MMD2: variants seen among roughly 807,000 people sequenced by gnomAD.
MMD2 encodes monocyte to macrophage differentiation factor 2.
In MMD2, 30 loss-of-function variants were observed where a neutral mutation model predicts 33.5. That is an observed-to-expected ratio of 0.90 (90% CI 0.67 to 1.22). The LOEUF is 1.22. MMD2 is among the 50% of genes most tolerant of loss of function. The pLI, the probability that MMD2 is intolerant of heterozygous loss-of-function variation, is 0.00. For synonymous variants in MMD2, 129 were observed against 123.0 expected (o/e 1.05, Z -0.32); for missense variants, 364 against 325.4 (o/e 1.12, Z -0.91).
chr7:4,948,329 C>G (rs1163624822), intron 1 of MMD2, among the ~76,000 whole-genome samples: 1 of 152,086 alleles, frequency 6.6e-6, no homozygotes, highest in Non-Finnish European at 1.5e-5. Context: ...GAGTTAGAGA[C>G]CAGCCTTGGG....
chr7:4,937,488 A>G lies in MMD2; in HGVS notation c.48-11956T>C, dbSNP rs755700208. ...AAAGAAAGGGAAATTATTATAAATT[A>G]TAAATTATTTTTTGCTGTTTTGTTT... On this transcript the variant is annotated intron_variant, in intron 1 of 6. Transcript: ENST00000401401. Among the ~76,000 whole-genome samples, 8 of 152,104 alleles carry G rather than the reference A, an allele frequency of 5.3e-5. 1 individual carries two copies. The highest frequency in any genetic ancestry group is 1.2e-4 in the Non-Finnish European group (8 of 68,018).
At chr7:4,895,606 A>T in the MMD2 span, among the ~76,000 whole-genome samples, 1 of 151,542 alleles carries the variant, frequency 6.6e-6, no homozygotes, top group African/African-American at 2.4e-5. Flanking sequence ...GCGAGATTTC[A>T]GCTCACTGCA....
At chr7:4,901,365 C>T (rs558236956), downstream of MMD2, among the ~76,000 whole-genome samples, 50 of 152,190 alleles carry the variant, frequency 3.3e-4, 1 homozygote, top group South Asian at 9.3e-3. Context: ...CTCTTGAACC[C>T]GGGAGGCAGA....
Position 4,916,434 on chromosome 7 carries a change from G to A in MMD2, c.291-355C>T, listed in dbSNP as rs141314604. Among the ~76,000 whole-genome samples the A allele has an allele frequency of 8.7e-4, 122 of 139,774 alleles. 3 individuals are homozygous for A. The East Asian group carries it at 0.026, about 30-fold the overall frequency. 91.7% of individuals were successfully genotyped at this position (139,774 alleles called of 152,430 possible). A position where few individuals can be genotyped will look rare whatever the true frequency, so the allele number is the denominator to read the frequency against. ...GTCTTGCTCTGTCTCCCAGGCTGGAGTGCAGTGGCACGATCTCAGCTCACT... is the reference window on the plus strand; with the variant it reads ...GTCTTGCTCTGTCTCCCAGGCTGGAATGCAGTGGCACGATCTCAGCTCACT... On this transcript the variant is annotated intron_variant, in intron 3 of 6. Coordinates refer to ENST00000401401, the MANE Select transcript of MMD2 (RefSeq NM_198403.4).
In MMD2 at chr7:4,925,542, G is replaced by C; in HGVS notation, c.48-10C>G. The C allele has an allele frequency of 6.4e-7, 1 of 1,559,306 alleles. No individual in the cohort carries two copies. The highest frequency in any genetic ancestry group is 8.7e-7 in the Non-Finnish European group (1 of 1,151,038). On this transcript the variant is annotated splice_polypyrimidine_tract_variant and intron_variant, in intron 1 of 6. Transcript: ENST00000401401. ...TCGGTGGTTCATGAACCTGGAAGGA[G>C]AGGGAGAATTCCAGGAAGCTCCGCT... is the stretch of plus-strand genomic sequence containing the variant.
chr7:4,927,431 G>C (rs912614151), intron 1 of MMD2, among the ~76,000 whole-genome samples: 4 of 152,090 alleles, frequency 2.6e-5, no homozygotes, highest in African/African-American at 9.7e-5. Context: ...TGTAATCCCA[G>C]ATACTTGGGA....
In MMD2 at chr7:4,934,067, T is replaced by C. The variant is rs563026911; in HGVS notation, c.48-8535A>G. 5.8e-4 allele frequency among the ~76,000 whole-genome samples: 88 copies of C among 152,010 alleles called. 1 individual carries two copies. The highest frequency in any genetic ancestry group is 2.0e-3 in the African/African-American group (81 of 41,452). ...GCCTCAGCCTCCCAAGTAGCTGGGA[T>C]TACAGGCATCCGCCACCACACCCAG... On this transcript the variant is annotated intron_variant, in intron 1 of 6. Coordinates refer to ENST00000401401, the MANE Select transcript of MMD2 (RefSeq NM_198403.4).
At chr7:4,907,719 C>T (rs1404717710) in intron 6 of MMD2, 120 bp from the exon 7 acceptor site, 1 of 862,134 alleles carries the variant, frequency 1.2e-6, no homozygotes, top group Non-Finnish European at 1.9e-6. Flanking sequence ...AGCCCAGACT[C>T]CCAGGTGGGA....
intron 4 of MMD2, among the ~76,000 whole-genome samples, chr7:4,915,368 C>G (rs1158430547): frequency 6.6e-6 from 1 of 151,624 alleles, no homozygotes; most frequent in Non-Finnish European, 1.5e-5. Flanking sequence ...CATGTGTATG[C>G]ATACGTCTAT....
At chr7:4,936,670 G>A (rs1421708823) in intron 1 of MMD2, among the ~76,000 whole-genome samples, 1 of 152,092 alleles carries the variant, frequency 6.6e-6, no homozygotes, top group Non-Finnish European at 1.5e-5. Flanking sequence ...TGGAATTGCA[G>A]GCATGAGCCA....
At chr7:4,938,652 A>G (rs1785818137) in intron 1 of MMD2, among the ~76,000 whole-genome samples, 1 of 152,300 alleles carries the variant, frequency 6.6e-6, no homozygotes, top group South Asian at 2.1e-4. Flanking sequence ...GCAAGGGGCA[A>G]GGCCAGGTTG....
chr7:4,944,822 A>C (rs570448581), intron 1 of MMD2, among the ~76,000 whole-genome samples: 160 of 124,892 alleles, frequency 1.3e-3, no homozygotes, highest in Admixed American at 2.8e-3. Flanking sequence ...GGCTGGAGTG[A>C]AGTGGCACGA....
At position 4,940,951 on chromosome 7, in the gene MMD2, A is replaced by G. The variant is rs1562491704; in HGVS notation, c.48-15419T>C. On this transcript the variant is annotated intron_variant, in intron 1 of 6. Transcript: ENST00000401401. The surrounding 1 kb of genome is among the most constrained non-coding windows in gnomAD (Gnocchi z 5.0). ...GGCTCCCCGGGAAATCTCTTCCCCT[A>G]TGGGATGAGAAGGGTCCGTATCTCC... Among the ~76,000 whole-genome samples the G allele has an allele frequency of 1.3e-5, 2 of 152,056 alleles. No homozygotes were observed. Among genetic ancestry groups the G allele is most frequent in the African/African-American group, 2.4e-5 (1 of 41,426 alleles).
intron 2 of MMD2, among the ~76,000 whole-genome samples, chr7:4,922,382 C>G (rs1022177920): frequency 1.3e-5 from 2 of 152,044 alleles, no homozygotes; most frequent in African/African-American, 4.8e-5. Flanking sequence ...CCAGTCTGGT[C>G]AACAGGGCGA....
intron 1 of MMD2, among the ~76,000 whole-genome samples, chr7:4,937,406 AAAAGAAAGAAAAAG>A (rs1324509557): frequency 3.3e-5 from 5 of 151,942 alleles, no homozygotes; most frequent in African/African-American, 2.4e-5. Context: ...CAAAAAGAAA[AAAAGAAAGAAAAAG>A]AAAGAAAGAG....
chr7:4,913,303 C>T (rs925265911), intron 4 of MMD2, among the ~76,000 whole-genome samples: 5 of 152,094 alleles, frequency 3.3e-5, no homozygotes, highest in African/African-American at 9.7e-5. Context: ...TTAATTTTAA[C>T]TTGACTTCAA....
At chr7:4,943,005 T>C (rs1481820712) in intron 1 of MMD2, among the ~76,000 whole-genome samples, 13 of 33,594 alleles carry the variant, frequency 3.9e-4, no homozygotes, top group African/African-American at 8.1e-4. Context: ...TGCCCTTTTC[T>C]TTTTTTTTTT....
At chr7:4,941,358 G>A (rs952805085) in intron 1 of MMD2, among the ~76,000 whole-genome samples, 53 of 152,228 alleles carry the variant, frequency 3.5e-4, no homozygotes, top group African/African-American at 1.2e-3. Context: ...GACCGGGCGC[G>A]GTGGCTCGCG....
intron 1 of MMD2, among the ~76,000 whole-genome samples, chr7:4,930,276 A>G (rs1442926697): frequency 2.0e-5 from 3 of 149,670 alleles, no homozygotes; most frequent in Non-Finnish European, 4.4e-5. Flanking sequence ...CATCTCAAAA[A>G]AAAAAAAAAA....
Sources: allele counts gnomAD v4.1 joint callset (sites outside exome capture counted in the v4.1 genomes callset), GRCh38; gene constraint gnomAD v4.1.1; non-coding constraint Gnocchi (gnomAD v3.1); transcripts MANE v1.5; gene names NCBI Gene and HGNC (gene_info 2026-07-23, HGNC 2026-07-21).